Variants in UBASH3B observed in about 807,000 individuals in gnomAD.
UBASH3B encodes the protein ubiquitin associated and SH3 domain containing B, also known as ubiquitin-associated and SH3 domain-containing protein B.
UBASH3B carries 37 observed loss-of-function variants against 83.4 expected under a neutral mutation model. That is an observed-to-expected ratio of 0.44 (90% confidence interval 0.34 to 0.58). The LOEUF is 0.58. Ranked by LOEUF, UBASH3B falls within the 20% of genes least tolerant of loss-of-function variation. The pLI, the probability that UBASH3B is intolerant of heterozygous loss-of-function variation, is 0.01. For synonymous variants in UBASH3B, 304 were observed against 318.3 expected, an observed-to-expected ratio of 0.96 and a Z score of 0.48; for missense variants, 657 against 827.2, an observed-to-expected ratio of 0.79 and a Z score of 2.52.
intron 6 of UBASH3B, among the ~76,000 whole-genome samples, chr11:122,793,681 T>C (rs1861099481): frequency 6.6e-6 from 1 of 152,224 alleles, no homozygotes; most frequent in South Asian, 2.1e-4. Context: ...TAATTTAAGC[T>C]TGGCAGGTTT....
At chr11:122,734,432 C>A (rs1860899281) in intron 1 of UBASH3B, among the ~76,000 whole-genome samples, 1 of 152,118 alleles carries the variant, frequency 6.6e-6, no homozygotes, top group African/African-American at 2.4e-5. Context: ...GACCCCATGT[C>A]TTTGCTTGAA....
chr11:122,680,250 T>C (rs1008373213), intron 1 of UBASH3B, among the ~76,000 whole-genome samples: 1 of 152,260 alleles, frequency 6.6e-6, no homozygotes, highest in African/African-American at 2.4e-5. Flanking sequence ...TGTGGGTTTC[T>C]GTATCTTCAG....
At chr11:122,720,355 A>G (rs1219888895) in intron 1 of UBASH3B, among the ~76,000 whole-genome samples, 1 of 152,194 alleles carries the variant, frequency 6.6e-6, no homozygotes, top group East Asian at 1.9e-4. Context: ...CACAGATCCA[A>G]ATCCCTGGCA....
In UBASH3B at chr11:122,813,773, T is replaced by G. The variant is rs558934205; in HGVS notation, c.*3887T>G. On this transcript the variant is annotated 3_prime_UTR_variant, in exon 14 of 14. Coordinates refer to ENST00000284273, the MANE Select transcript of UBASH3B (RefSeq NM_032873.5). Reference sequence around the variant, plus strand: ...GGTGATAGCAGAAGCTTTTCATTTTTAAACATAGAATTAAAATTGGATTTG... The same window carrying G: ...GGTGATAGCAGAAGCTTTTCATTTTGAAACATAGAATTAAAATTGGATTTG... 1.3e-5 allele frequency: 2 copies of G among 152,248 alleles called. No homozygotes were observed. Among genetic ancestry groups the G allele is most frequent in the African/African-American group, 4.8e-5 (2 of 41,468 alleles). The allele number at this position is 152,248 out of a possible 1,614,324, so 9.4% of individuals were successfully genotyped here. A position where few individuals can be genotyped will look rare whatever the true frequency, so the allele number is the denominator to read the frequency against.
chr11:122,693,922 A>C (rs186492874), intron 1 of UBASH3B, among the ~76,000 whole-genome samples: 28 of 152,294 alleles, frequency 1.8e-4, no homozygotes, highest in Admixed American at 1.4e-3. Context: ...CGATGCATCC[A>C]TTCATTCAGT....
intron 4 of UBASH3B, among the ~76,000 whole-genome samples, chr11:122,780,777 G>A (rs1055905106): frequency 1.3e-5 from 2 of 152,212 alleles, no homozygotes; most frequent in African/African-American, 2.4e-5. Flanking sequence ...GAGGACAGTG[G>A]GGAGGCTGCC....
intron 1 of UBASH3B, among the ~76,000 whole-genome samples, chr11:122,700,698 T>A (rs972425876): frequency 2.0e-5 from 3 of 152,170 alleles, no homozygotes; most frequent in Non-Finnish European, 2.9e-5. Flanking sequence ...GGTTTCACCA[T>A]GTTGGTCAAG....
Position 122,811,394 on chromosome 11 carries a change from T to C in UBASH3B, c.*1508T>C, listed in dbSNP as rs371488845. 2.0e-5 allele frequency: 3 copies of C among 152,260 alleles called. No individual in the cohort carries two copies. Among genetic ancestry groups the C allele is most frequent in the Admixed American group, 6.5e-5 (1 of 15,278 alleles). 9.4% of individuals were successfully genotyped at this position (152,260 alleles called of 1,614,324 possible). ...AACGTAAGGTATATAAAAATACATC[T>C]ATGCTTGCGTTTGAAACTACAACTT... is the stretch of plus-strand genomic sequence containing the variant. On this transcript the variant is annotated 3_prime_UTR_variant, in exon 14 of 14. Transcript: ENST00000284273.
At position 122,809,838 on chromosome 11, in the gene UBASH3B, T is replaced by C. The variant is rs771403399; in HGVS notation, c.1902T>C (p.His634=). 1 of 1,614,168 alleles carries C rather than the reference T, an allele frequency of 6.2e-7. No individual in the cohort carries two copies. The highest frequency in any genetic ancestry group is 1.1e-5 in the South Asian group (1 of 91,088). Residue 634 remains histidine, a synonymous_variant, in exon 14 of 14, where the codon CAT becomes CAC. Coordinates refer to ENST00000284273, the MANE Select transcript of UBASH3B (RefSeq NM_032873.5). ...ATCCACCAATCCTTCCTCTTACCCATGGACCAACTGGGGGCTTCAACTGGA... is the reference window on the plus strand; with the variant it reads ...ATCCACCAATCCTTCCTCTTACCCACGGACCAACTGGGGGCTTCAACTGGA... ...LTDPPILPLT[H]GPTGGFNWRE...
intron 1 of UBASH3B, among the ~76,000 whole-genome samples, chr11:122,671,777 G>A (rs894147676): frequency 4.6e-5 from 7 of 152,238 alleles, no homozygotes; most frequent in Non-Finnish European, 7.3e-5. Context: ...TGCATTGTGC[G>A]TGACTGGTGA....
chr11:122,765,311 G>C (rs545412452), intron 1 of UBASH3B, among the ~76,000 whole-genome samples: 1 of 152,340 alleles, frequency 6.6e-6, no homozygotes, highest in East Asian at 1.9e-4. Context: ...GTCTGGAGTA[G>C]AGCTCCATGA....
Position 122,809,861 on chromosome 11 carries a change from G to A in UBASH3B, c.1925G>A (p.Trp642Ter), listed in dbSNP as rs1861408316. The change falls in exon 14 of 14, where the codon TGG becomes TAG. Residue 642 changes from tryptophan (W) to a stop codon, truncating the protein, a stop_gained. Coordinates refer to ENST00000284273, the MANE Select transcript of UBASH3B (RefSeq NM_032873.5). LOFTEE classifies it high-confidence loss of function. ...CATGGACCAACTGGGGGCTTCAACT[G>A]GAGAGAGACCTTGCTTCAAGAATAA... ...LTHGPTGGFN[W>*]RETLLQE 1.2e-6 allele frequency: 2 copies of A among 1,614,140 alleles called. No individual in the cohort carries two copies. Among genetic ancestry groups the A allele is most frequent in the Non-Finnish European group, 1.7e-6 (2 of 1,180,022 alleles).
At position 122,806,498 on chromosome 11, in the gene UBASH3B, A is replaced by C; in HGVS notation, c.1684A>C (p.Ser562Arg). Reference sequence around the variant, plus strand: ...TTTCCAAGTAACAAAAGAAATAATAAGTGAATGTAAAAGTAAAGGTAAGTG... The same window carrying C: ...TTTCCAAGTAACAAAAGAAATAATACGTGAATGTAAAAGTAAAGGTAAGTG... ...RSFQVTKEII[S>R]ECKSKGNNIL... The change falls in exon 12 of 14, where the codon AGT (serine) becomes CGT (arginine). Residue 562 changes from serine to arginine, a missense_variant. Around this residue, in one of 3 missense-constraint regions of UBASH3B, gnomAD observed 573 missense variants for 739.0 expected, o/e 0.78. Transcript: ENST00000284273. This position sits in a 1 kb window ranked among gnomAD's most constrained non-coding sequence, Gnocchi z 4.0. 6.2e-7 allele frequency: 1 copy of C among 1,604,896 alleles called. No individual in the cohort carries two copies. Among genetic ancestry groups the C allele is most frequent in the Non-Finnish European group, 8.5e-7 (1 of 1,176,554 alleles).
intron 5 of UBASH3B, 71 bp downstream of exon 5, chr11:122,783,293 C>A: frequency 1.3e-6 from 2 of 1,533,412 alleles, no homozygotes; most frequent in South Asian, 1.2e-5. Context: ...CTCGCTGCTG[C>A]AGGGAGATGG....
intron 1 of UBASH3B, among the ~76,000 whole-genome samples, chr11:122,752,577 CAAG>C (rs1209999644): frequency 1.6e-4 from 24 of 152,202 alleles, no homozygotes; most frequent in Admixed American, 1.6e-3. Context: ...GCAGCAAATA[CAAG>C]AAGGAGTTTG....
chr11:122,755,650 A>G (rs1861271204), intron 1 of UBASH3B, among the ~76,000 whole-genome samples: 1 of 152,162 alleles, frequency 6.6e-6, no homozygotes, highest in Non-Finnish European at 1.5e-5. Context: ...AGGCCATATC[A>G]GTAAGGAGGA....
chr11:122,716,571 C>T (rs1860529655), intron 1 of UBASH3B, among the ~76,000 whole-genome samples: 3 of 152,138 alleles, frequency 2.0e-5, no homozygotes, highest in Non-Finnish European at 4.4e-5. Context: ...TCGCTGTCCA[C>T]CCAGAGACTT....
chr11:122,808,815 A>T (rs1861386606), intron 13 of UBASH3B, among the ~76,000 whole-genome samples: 1 of 152,144 alleles, frequency 6.6e-6, no homozygotes, highest in African/African-American at 2.4e-5. Context: ...AAGTTTATTT[A>T]TGCATCTGTC....
At chr11:122,706,106 CTTT>C (rs36055058) in intron 1 of UBASH3B, among the ~76,000 whole-genome samples, 1 of 127,032 alleles carries the variant, frequency 7.9e-6, no homozygotes, top group Non-Finnish European at 1.6e-5. Flanking sequence ...TCTTTTCTTT[CTTT>C]TTTTTTTTTT....
Sources: gnomAD v4.1 joint callset for allele counts (sites outside exome capture counted in the v4.1 genomes callset) on GRCh38, gnomAD v4.1.1 for gene constraint, gnomAD v4.1.1 regional missense constraint, Gnocchi (gnomAD v3.1) non-coding constraint, MANE v1.5 for transcripts, NCBI Gene and HGNC (gene_info 2026-07-23, HGNC 2026-07-21) for gene names.